Variants in CDX4 observed in about 807,000 individuals in gnomAD.
CDX4 encodes homeobox protein CDX-4.
CDX4 carries 11 observed loss-of-function variants against 14.1 expected under a neutral mutation model. That is an observed-to-expected ratio of 0.78 (90% CI 0.49 to 1.29). CDX4 has a LOEUF of 1.29. CDX4 is among the 50% of genes most tolerant of loss of function. The pLI, the probability that CDX4 is intolerant of heterozygous loss-of-function variation, is 0.00. For missense variants in CDX4, 257 were observed against 237.4 expected, an observed-to-expected ratio of 1.08 and a Z score of -0.54; for synonymous variants, 100 against 93.5, an observed-to-expected ratio of 1.07 and a Z score of -0.40.
Position 73,447,467 on chromosome X carries a change from T to C in CDX4, c.214T>C (p.Trp72Arg). 8.3e-7 allele frequency: 1 copy of C among 1,211,811 alleles called. No homozygotes were observed. Residue 72 changes from tryptophan (W) to arginine (R), a missense_variant, in exon 1 of 3, where the codon TGG (tryptophan) becomes CGG (arginine). Transcript: ENST00000373514. ...TCCTCACTGGCCGTCTCTGGGAGTC[T>C]GGGGCTCACCCTACAGTCCCCCGCG... ...MDPHWPSLGV[W>R]GSPYSPPRED...
chrX:73,453,962 A>G (rs745948229), intron 2 of CDX4, among the ~76,000 whole-genome samples: 1 of 111,691 alleles, frequency 9.0e-6, no homozygotes, highest in East Asian at 2.8e-4. Flanking sequence ...TTAATATTAT[A>G]CTAATAGGAC....
chrX:73,447,293 T>C lies in CDX4; in HGVS notation c.40T>C (p.Tyr14His). 8.3e-7 allele frequency: 1 copy of C among 1,210,779 alleles called. No homozygotes were observed. Among genetic ancestry groups the C allele is most frequent in the Middle Eastern group, 2.3e-4 (1 of 4,350 alleles). ...TCTTTTGGAGAAAGAAGCAGGCATG[T>C]ACCCGGGCACTCTCATGAGCCCTGG... Reference protein sequence around the residue: ...SCLLEKEAGMYPGTLMSPGGD... With the variant: ...SCLLEKEAGMHPGTLMSPGGD... Residue 14 changes from tyrosine (Y) to histidine (H), a missense_variant, in exon 1 of 3, where the codon TAC (tyrosine) becomes CAC (histidine). Physicochemically the swap from Tyr to His is moderately conservative, Grantham distance 83. Transcript: ENST00000373514.
chrX:73,453,078 G>A (rs1351788712), intron 1 of CDX4, among the ~76,000 whole-genome samples: 3 of 111,884 alleles, frequency 2.7e-5, no homozygotes, highest in Admixed American at 1.9e-4. Flanking sequence ...GGAAGTGCCT[G>A]TATAATGGAC....
intron 1 of CDX4, among the ~76,000 whole-genome samples, chrX:73,451,599 C>T (rs989067343): frequency 1.8e-5 from 2 of 111,002 alleles, no homozygotes; most frequent in Non-Finnish European, 3.8e-5. Flanking sequence ...TTATTGTCCT[C>T]AGAAGAAACT....
chrX:73,454,528 A>G lies in CDX4; in HGVS notation c.798A>G (p.Pro266=). Reference sequence around the variant, plus strand: ...TACCTAACACTTTTTTCACCACACCATCTGCTGTTCGTGGATTTCAACCTA... The same window carrying G: ...TACCTAACACTTTTTTCACCACACCGTCTGCTGTTCGTGGATTTCAACCTA... ...GELPNTFFTT[P]SAVRGFQPIE... The change falls in exon 3 of 3, where the codon CCA becomes CCG. Residue 266 remains proline (P), a synonymous_variant. Coordinates refer to ENST00000373514, the MANE Select transcript of CDX4 (RefSeq NM_005193.2). 8.3e-7 allele frequency: 1 copy of G among 1,210,120 alleles called. No homozygotes were observed. The highest frequency in any genetic ancestry group is 1.1e-6 in the Non-Finnish European group (1 of 894,275).
In CDX4 at chrX:73,447,296, C is replaced by A. The variant is rs1303217198; in HGVS notation, c.43C>A (p.Pro15Thr). The A allele has an allele frequency of 5.8e-6, 7 of 1,210,907 alleles. No homozygotes were observed. Among genetic ancestry groups the A allele is most frequent in the Non-Finnish European group, 7.8e-6 (7 of 894,939 alleles). ...TTTGGAGAAAGAAGCAGGCATGTAC[C>A]CGGGCACTCTCATGAGCCCTGGGGG... is the stretch of plus-strand genomic sequence containing the variant. ...CLLEKEAGMY[P>T]GTLMSPGGDG... is the part of the protein sequence containing the mutation. The change falls in exon 1 of 3, where the codon CCG (proline) becomes ACG (threonine). Residue 15 changes from proline to threonine, a missense_variant. Coordinates refer to ENST00000373514, the MANE Select transcript of CDX4 (RefSeq NM_005193.2).
chrX:73,447,215 T>C lies in CDX4; in HGVS notation c.-39T>C, dbSNP rs1176592483. ...AGTCGAGTTGGGGCCTTACAGGGACTTCAGGATGGCTTAGGGAGCGCCTTC... is the reference window on the plus strand; with the variant it reads ...AGTCGAGTTGGGGCCTTACAGGGACCTCAGGATGGCTTAGGGAGCGCCTTC... On this transcript the variant is annotated 5_prime_UTR_variant, in exon 1 of 3. Coordinates refer to ENST00000373514, the MANE Select transcript of CDX4 (RefSeq NM_005193.2). 3.4e-6 allele frequency: 4 copies of C among 1,182,244 alleles called. No individual in the cohort carries two copies. In the African/African-American group the frequency reaches 7.1e-5, roughly 21 times the overall value.
chrX:73,453,666 C>T lies in CDX4; in HGVS notation c.648+4C>T. On this transcript the variant is annotated splice_donor_region_variant and intron_variant, in intron 2 of 2. Transcript: ENST00000373514. ...CCTGGGCCTTTCCGAGAGACAGGTA[C>T]ACCAGAAGTATATCCAACATGTCCC... 1 of 1,196,314 alleles carries T rather than the reference C, an allele frequency of 8.4e-7. No individual in the cohort carries two copies. The highest frequency in any genetic ancestry group is 1.1e-6 in the Non-Finnish European group (1 of 884,594).
intron 1 of CDX4, among the ~76,000 whole-genome samples, chrX:73,452,835 T>C (rs1309359967): frequency 8.9e-6 from 1 of 111,913 alleles, no homozygotes; most frequent in Non-Finnish European, 1.9e-5. Flanking sequence ...GCCATTATTA[T>C]GCGTCCCAGC....
In CDX4 at chrX:73,454,775, T is replaced by C; in HGVS notation, c.*190T>C. On this transcript the variant is annotated 3_prime_UTR_variant, in exon 3 of 3. Transcript: ENST00000373514. ...AGAAACTATCCCCAGAAAACTCCTG[T>C]CACGTGCTGTGCTATATGTCAGTCA... The C allele has an allele frequency of 7.1e-6, 3 of 420,107 alleles. No individual in the cohort carries two copies. Among genetic ancestry groups the C allele is most frequent in the Non-Finnish European group, 1.2e-5 (3 of 242,622 alleles). 34.6% of individuals were successfully genotyped at this position (420,107 alleles called of 1,213,427 possible).
At chrX:73,450,323 G>A (rs928738708) in intron 1 of CDX4, among the ~76,000 whole-genome samples, 1 of 111,770 alleles carries the variant, frequency 8.9e-6, no homozygotes, top group Non-Finnish European at 1.9e-5. Flanking sequence ...TTTCCACTTA[G>A]TTCTCTAAGT....
chrX:73,448,331 G>T (rs1343856145), intron 1 of CDX4, among the ~76,000 whole-genome samples: 1 of 111,483 alleles, frequency 9.0e-6, no homozygotes, highest in African/African-American at 3.3e-5. Flanking sequence ...TGGCCTCTCA[G>T]GGAAGCTCCA....
chrX:73,451,673 T>C (rs1297798426), intron 1 of CDX4, among the ~76,000 whole-genome samples: 15 of 111,814 alleles, frequency 1.3e-4, no homozygotes, highest in Non-Finnish European at 2.6e-4. Context: ...GAGTTATTGA[T>C]GTCTGATTAT....
chrX:73,454,094 C>T lies in CDX4; in HGVS notation c.649-285C>T, dbSNP rs1267582611. Among the ~76,000 whole-genome samples the T allele has an allele frequency of 3.6e-5, 4 of 111,576 alleles. No individual in the cohort carries two copies. In the East Asian group the frequency reaches 1.1e-3, roughly 31 times the overall value. On this transcript the variant is annotated intron_variant, in intron 2 of 2. Coordinates refer to ENST00000373514, the MANE Select transcript of CDX4 (RefSeq NM_005193.2). ...TCTGTCATTCCAGCATTATTTATTT[C>T]TACCTGTGCAACAGAGGAGGTGGGT...
At chrX:73,454,283 T>C (rs2057099222) in intron 2 of CDX4, 96 bp from the exon 3 acceptor site, 5 of 552,519 alleles carry the variant, frequency 9.0e-6, no homozygotes, top group Non-Finnish European at 1.5e-5. Flanking sequence ...AATGAAGTGA[T>C]GCATATGAAA....
In CDX4 at chrX:73,454,821, G is replaced by C. The variant is rs144067429; in HGVS notation, c.*236G>C. On this transcript the variant is annotated 3_prime_UTR_variant, in exon 3 of 3. Coordinates refer to ENST00000373514, the MANE Select transcript of CDX4 (RefSeq NM_005193.2). ...AGTCACTCAGGAATCTTAGTGGTAA[G>C]GTATATAATTAAAAGCTAGAATCAC... The C allele has an allele frequency of 1.8e-5, 6 of 335,114 alleles. No individual in the cohort carries two copies. In the East Asian group the frequency reaches 2.8e-4, roughly 16 times the overall value. The allele number at this position is 335,114 out of a possible 1,213,427, so 27.6% of individuals were successfully genotyped here.
chrX:73,447,783 A>C, intron 1 of CDX4, 28 bp downstream of exon 1: 1 of 1,147,933 alleles, frequency 8.7e-7, no homozygotes, highest in Non-Finnish European at 1.2e-6. Flanking sequence ...ATGCCCACAC[A>C]CTTTTCCTTC....
chrX:73,447,093 A>G lies in CDX4; in HGVS notation c.-161A>G, dbSNP rs1055772598. ...ATACAGGGCTGCTAGTCACCTGGATACCCTCGTAAGAAACGTGGGATGGAG... is the reference window on the plus strand; with the variant it reads ...ATACAGGGCTGCTAGTCACCTGGATGCCCTCGTAAGAAACGTGGGATGGAG... On this transcript the variant is annotated 5_prime_UTR_variant, in exon 1 of 3. The change creates a new upstream start codon in the 5' untranslated region. Coordinates refer to ENST00000373514, the MANE Select transcript of CDX4 (RefSeq NM_005193.2). Among the ~76,000 whole-genome samples the G allele has an allele frequency of 4.5e-5, 5 of 111,232 alleles. No homozygotes were observed. Among genetic ancestry groups the G allele is most frequent in the Non-Finnish European group, 9.4e-5 (5 of 53,010 alleles).
At chrX:73,452,233 G>A (rs956616344) in intron 1 of CDX4, among the ~76,000 whole-genome samples, 4 of 105,921 alleles carry the variant, frequency 3.8e-5, no homozygotes, top group Admixed American at 1.0e-4. Flanking sequence ...TGTAAAGAGG[G>A]TTCAGAATGG....
Sources: gnomAD v4.1 joint callset for allele counts (sites outside exome capture counted in the v4.1 genomes callset) on GRCh38, gnomAD v4.1.1 for gene constraint, MANE v1.5 for transcripts, NCBI Gene and HGNC (gene_info 2026-07-23, HGNC 2026-07-21) for gene names.